SDK1: variants seen among roughly 807,000 people sequenced by gnomAD.
SDK1 encodes protein sidekick-1.
In SDK1, 157 loss-of-function variants were observed where a neutral mutation model predicts 245.5. The observed-to-expected ratio is 0.64, with a 90% CI of 0.56 to 0.73. The LOEUF is 0.73. SDK1 is among the 30% of genes least tolerant of loss of function. The pLI is 0.00. For synonymous variants in SDK1, 1,647 were observed against 1,278.5 expected (o/e 1.29, Z -6.15); for missense variants, 3,583 against 3,002.3 (o/e 1.19, Z -4.52).
chr7:4,227,271 T>G, intron 40 of SDK1: 2 of 429,684 alleles, frequency 4.7e-6, no homozygotes, highest in Non-Finnish European at 9.6e-6. Context: ...GTCTTTCTCA[T>G]AAGCTGCTTG....
chr7:3,785,707 A>G (rs1780881205), intron 4 of SDK1, among the ~76,000 whole-genome samples: 1 of 152,172 alleles, frequency 6.6e-6, no homozygotes, highest in African/African-American at 2.4e-5. Context: ...ATTTATTTAA[A>G]AAAAAATACA....
intron 4 of SDK1, among the ~76,000 whole-genome samples, chr7:3,678,275 C>A (rs1373225085): frequency 6.6e-6 from 1 of 152,110 alleles, no homozygotes; most frequent in Non-Finnish European, 1.5e-5. Flanking sequence ...TAGGTATATA[C>A]CCCAAATAAT....
At chr7:3,796,898 T>A (rs1778973807) in intron 4 of SDK1, among the ~76,000 whole-genome samples, 1 of 152,184 alleles carries the variant, frequency 6.6e-6, no homozygotes. Flanking sequence ...AGAAAGTAAG[T>A]TCAAATGTAG....
chr7:4,064,057 A>G (rs1307196035), intron 19 of SDK1, among the ~76,000 whole-genome samples: 1 of 152,252 alleles, frequency 6.6e-6, no homozygotes, highest in South Asian at 2.1e-4. Flanking sequence ...AGCACAGGCA[A>G]CAAAACCAAA....
At chr7:3,863,498 GCAC>G (rs1780746690) in intron 5 of SDK1, among the ~76,000 whole-genome samples, 1 of 152,128 alleles carries the variant, frequency 6.6e-6, no homozygotes, top group African/African-American at 2.4e-5. Flanking sequence ...TCATATTGTT[GCAC>G]CACCATTACC....
At chr7:3,975,906 GTAGAGGGT>G (rs1562604439) in intron 13 of SDK1, among the ~76,000 whole-genome samples, 132 of 148,716 alleles carry the variant, frequency 8.9e-4, no homozygotes, top group Admixed American at 1.5e-3. Context: ...AAGCTGCCAC[GTAGAGGGT>G]CCTCCAGAGA....
chr7:4,206,364 G>A (rs1784226618), intron 36 of SDK1, among the ~76,000 whole-genome samples: 1 of 152,192 alleles, frequency 6.6e-6, no homozygotes. Context: ...AAAGAACATG[G>A]GGCGCCTGGA....
intron 5 of SDK1, among the ~76,000 whole-genome samples, chr7:3,849,145 C>G (rs1194505813): frequency 6.6e-6 from 1 of 152,170 alleles, no homozygotes; most frequent in Non-Finnish European, 1.5e-5. Context: ...CTTTTCTCTC[C>G]AAATGAATGC....
intron 1 of SDK1, among the ~76,000 whole-genome samples, chr7:3,421,646 G>A (rs1428957238): frequency 1.3e-5 from 2 of 152,130 alleles, no homozygotes; most frequent in Non-Finnish European, 2.9e-5. Flanking sequence ...TTGCGTGAGC[G>A]TCTACAGCTA....
intron 1 of SDK1, among the ~76,000 whole-genome samples, chr7:3,504,844 G>A (rs560117527): frequency 2.9e-4 from 44 of 150,586 alleles, no homozygotes; most frequent in Non-Finnish European, 5.8e-4. Flanking sequence ...TTGGAAAACA[G>A]CCTGGCAGTT....
chr7:3,644,771 T>G (rs1330022734), intron 4 of SDK1, among the ~76,000 whole-genome samples: 1 of 22,664 alleles, frequency 4.4e-5, no homozygotes, highest in East Asian at 9.2e-4. Context: ...AGACCCTGTC[T>G]CCAAAAAAAA....
intron 5 of SDK1, among the ~76,000 whole-genome samples, chr7:3,926,396 C>A (rs897255244): frequency 9.8e-5 from 15 of 152,332 alleles, no homozygotes; most frequent in African/African-American, 1.4e-4. Flanking sequence ...TCAGCTGTTA[C>A]ATTTGTTTCT....
intron 4 of SDK1, among the ~76,000 whole-genome samples, chr7:3,752,540 C>A (rs916853295): frequency 6.6e-6 from 1 of 152,062 alleles, no homozygotes; most frequent in Non-Finnish European, 1.5e-5. Context: ...GTTAAGAAAT[C>A]AAAAACGTGC....
chr7:3,969,475 T>C, intron 11 of SDK1, 51 bp downstream of exon 11: 1 of 1,420,212 alleles, frequency 7.0e-7, no homozygotes, highest in African/African-American at 1.4e-5. Context: ...GGTTTAATCA[T>C]CACGTCATCG....
chr7:3,772,331 AT>A (rs1422169113), intron 4 of SDK1, among the ~76,000 whole-genome samples: 1 of 152,008 alleles, frequency 6.6e-6, no homozygotes, highest in African/African-American at 2.4e-5. Context: ...AATACTCTTA[AT>A]TTGGATTTAT....
At chr7:3,815,110 TCTC>T (rs1459440931) in intron 4 of SDK1, among the ~76,000 whole-genome samples, 1 of 101,662 alleles carries the variant, frequency 9.8e-6, no homozygotes, top group Non-Finnish European at 1.9e-5. Context: ...TTTATTTCCT[TCTC>T]CTGCCTAATT....
Position 4,265,766 on chromosome 7 carries a change from T to C in SDK1, c.*382T>C. The C allele has an allele frequency of 9.7e-7, 1 of 1,027,302 alleles. No individual in the cohort carries two copies. The highest frequency in any genetic ancestry group is 1.2e-6 in the Non-Finnish European group (1 of 859,714). 63.6% of individuals were successfully genotyped at this position (1,027,302 alleles called of 1,614,324 possible). On this transcript the variant is annotated 3_prime_UTR_variant, in exon 45 of 45. Transcript: ENST00000404826. Reference sequence around the variant, plus strand: ...AGGGAGTGGAGGGTCAGGTGAGATCTCAGAGCTGCCCCGGCCGGCCCCCGT... The same window carrying C: ...AGGGAGTGGAGGGTCAGGTGAGATCCCAGAGCTGCCCCGGCCGGCCCCCGT...
intron 5 of SDK1, among the ~76,000 whole-genome samples, chr7:3,825,808 TTAACATTA>T (rs1408796738): frequency 6.6e-6 from 1 of 152,162 alleles, no homozygotes; most frequent in Non-Finnish European, 1.5e-5. Flanking sequence ...CCTTGTACCG[TTAACATTA>T]AAGGGAGAGA....
intron 28 of SDK1, among the ~76,000 whole-genome samples, chr7:4,133,594 G>A (rs926157120): frequency 6.6e-6 from 1 of 152,148 alleles, no homozygotes; most frequent in African/African-American, 2.4e-5. Context: ...GAAGGGAAGG[G>A]GGCTGTCCAC....
Sources: gnomAD v4.1 joint callset for allele counts (sites outside exome capture counted in the v4.1 genomes callset) on GRCh38, gnomAD v4.1.1 for gene constraint, MANE v1.5 for transcripts, NCBI Gene and HGNC (gene_info 2026-07-23, HGNC 2026-07-21) for gene names.